Variants in OXR1 observed in about 807,000 individuals in gnomAD.
OXR1 encodes the protein oxidation resistance 1.
In OXR1, 41 loss-of-function variants were observed where a neutral mutation model predicts 104.6. That is an observed-to-expected ratio of 0.39 (90% CI 0.31 to 0.51). The LOEUF is 0.51. Among genes scored for constraint, OXR1 ranks in the 20% least tolerant of loss-of-function variants. The probability of loss-of-function intolerance (pLI) is 0.77; values close to 1 mark genes in which losing one functional copy is unlikely to be tolerated. For synonymous variants in OXR1, 348 were observed against 348.4 expected, an observed-to-expected ratio of 1.00 and a Z score of 0.01; for missense variants, 955 against 1,031.9, an observed-to-expected ratio of 0.93 and a Z score of 1.02.
intron 2 of OXR1, among the ~76,000 whole-genome samples, chr8:106,425,375 A>T (rs543879263): frequency 6.6e-6 from 1 of 152,138 alleles, no homozygotes; most frequent in African/African-American, 2.4e-5. Context: ...TAAAACTAAA[A>T]ATTAAACAGA....
At chr8:106,343,192 A>C (rs945126540) in intron 1 of OXR1, among the ~76,000 whole-genome samples, 3 of 152,156 alleles carry the variant, frequency 2.0e-5, no homozygotes, top group African/African-American at 7.2e-5. Context: ...ATTCTTCCCA[A>C]TGCCACTGGA....
chr8:106,706,774 A>C lies in OXR1; in HGVS notation c.1253A>C (p.Glu418Ala). The C allele has an allele frequency of 1.2e-6, 2 of 1,612,816 alleles. No individual in the cohort carries two copies. The highest frequency in any genetic ancestry group is 1.7e-6 in the Non-Finnish European group (2 of 1,179,742). Residue 418 changes from glutamate to alanine, a missense_variant, in exon 9 of 17, where the codon GAA (glutamate) becomes GCA (alanine). This residue lies in a region of OXR1 where 849 missense variants were observed against 852.9 expected (regional missense o/e 1.00). Transcript: ENST00000517566. ...LCHKTDLNNL[E>A]MAIKEDQIAD... Reference sequence around the variant, plus strand: ...CATAAAACTGATTTAAATAATCTTGAAATGGCCATTAAGGAAGATCAGATT... The same window carrying C: ...CATAAAACTGATTTAAATAATCTTGCAATGGCCATTAAGGAAGATCAGATT...
intron 7 of OXR1, 149 bp downstream of exon 7, chr8:106,693,026 G>A: frequency 2.0e-6 from 1 of 492,298 alleles, no homozygotes; most frequent in Non-Finnish European, 3.5e-6. Flanking sequence ...TTTTGGGTTA[G>A]TATGGATGTT....
chr8:106,295,967 C>G (rs1812978715), intron 1 of OXR1, among the ~76,000 whole-genome samples: 1 of 150,558 alleles, frequency 6.6e-6, no homozygotes, highest in African/African-American at 2.4e-5. Context: ...GGAAAGTCTT[C>G]TAACCTGACA....
chr8:106,421,097 A>C (rs185385182), intron 2 of OXR1, among the ~76,000 whole-genome samples: 76 of 152,254 alleles, frequency 5.0e-4, no homozygotes, highest in Non-Finnish European at 9.1e-4. Flanking sequence ...CATAGTTCCA[A>C]AATAGAATTA....
chr8:106,465,619 A>G (rs940455961), intron 2 of OXR1, among the ~76,000 whole-genome samples: 5 of 151,964 alleles, frequency 3.3e-5, no homozygotes, highest in African/African-American at 1.2e-4. Context: ...TAAATTTTGA[A>G]AGTATACCCT....
At chr8:106,433,081 C>T (rs534338077) in intron 2 of OXR1, among the ~76,000 whole-genome samples, 1 of 152,206 alleles carries the variant, frequency 6.6e-6, no homozygotes, top group South Asian at 2.1e-4. Flanking sequence ...GCTGGCTGTG[C>T]GCGAGACCGG....
intron 6 of OXR1, among the ~76,000 whole-genome samples, chr8:106,689,606 T>G (rs1404860153): frequency 6.6e-6 from 1 of 151,970 alleles, no homozygotes; most frequent in African/African-American, 2.4e-5. Context: ...AAGGGGAAAT[T>G]TAGAAAACTT....
At chr8:106,436,948 G>C (rs1339563510) in intron 2 of OXR1, among the ~76,000 whole-genome samples, 2 of 152,104 alleles carry the variant, frequency 1.3e-5, no homozygotes, top group Non-Finnish European at 2.9e-5. Context: ...GTGGTACATT[G>C]TACCTTCCCC....
intron 7 of OXR1, among the ~76,000 whole-genome samples, chr8:106,702,173 T>C (rs1170193742): frequency 6.6e-6 from 1 of 152,192 alleles, no homozygotes; most frequent in Non-Finnish European, 1.5e-5. Context: ...TTCACCATGT[T>C]GGCCAGGAAC....
At position 106,498,364 on chromosome 8, in the gene OXR1, C is replaced by T. The variant is rs944213687; in HGVS notation, c.24-20579C>T. Among the ~76,000 whole-genome samples, 20 of 152,118 alleles carry T rather than the reference C, an allele frequency of 1.3e-4. 2 individuals carry two copies. Among genetic ancestry groups the T allele is most frequent in the Admixed American group, 5.9e-4 (9 of 15,282 alleles). ...TTGCTTTGCAAATAAATCAATCAAG[C>T]GTGTGACTCAGATACAATAAAAATA... is the stretch of plus-strand genomic sequence containing the variant. On this transcript the variant is annotated intron_variant, in intron 2 of 16. Coordinates refer to ENST00000517566, the MANE Select transcript of OXR1 (RefSeq NM_001198533.2).
At chr8:106,729,591 AAGACATT>A (rs1037169606) in intron 11 of OXR1, among the ~76,000 whole-genome samples, 2 of 152,144 alleles carry the variant, frequency 1.3e-5, no homozygotes, top group African/African-American at 4.8e-5. Flanking sequence ...AGATAGTCAT[AAGACATT>A]TATTAACCAG....
chr8:106,698,747 T>A (rs1338148616), intron 7 of OXR1, among the ~76,000 whole-genome samples: 2 of 152,198 alleles, frequency 1.3e-5, no homozygotes, highest in Non-Finnish European at 2.9e-5. Context: ...ATTTTCCATA[T>A]CCATACTGTG....
Position 106,684,703 on chromosome 8 carries a change from T to G in OXR1, c.525+344T>G, listed in dbSNP as rs74671851. Among the ~76,000 whole-genome samples the G allele has an allele frequency of 6.1e-4, 93 of 152,292 alleles. 1 individual carries two copies. The East Asian group carries it at 0.017, about 28-fold the overall frequency. On this transcript the variant is annotated intron_variant, in intron 6 of 16. Coordinates refer to ENST00000517566, the MANE Select transcript of OXR1 (RefSeq NM_001198533.2). The stretch of plus-strand genomic sequence containing the variant: ...CATGTCCAATTTGATGTTTATTTCA[T>G]CTATAAATAAATGAGTATATAGTAC...
intron 3 of OXR1, among the ~76,000 whole-genome samples, chr8:106,627,640 C>T (rs1237479808): frequency 6.6e-6 from 1 of 152,152 alleles, no homozygotes. Flanking sequence ...TCTACTTCTT[C>T]CCCGCAGCCA....
chr8:106,701,311 A>G (rs1267291649), intron 7 of OXR1, among the ~76,000 whole-genome samples: 3 of 152,178 alleles, frequency 2.0e-5, no homozygotes, highest in Non-Finnish European at 4.4e-5. Flanking sequence ...ACTGTATGTG[A>G]TCTTGAACAT....
rs1039348693 is a variant in OXR1, at chr8:106,752,112, A to AGC, written c.*1172_*1173dup. 10 of 152,576 alleles carry AGC rather than the reference A, an allele frequency of 6.6e-5. No homozygotes were observed. Among genetic ancestry groups the AGC allele is most frequent in the African/African-American group, 2.2e-4 (9 of 41,464 alleles). The allele number at this position is 152,576 out of a possible 1,614,324, so 9.5% of individuals were successfully genotyped here. On this transcript the variant is annotated 3_prime_UTR_variant, in exon 17 of 17. Coordinates refer to ENST00000517566, the MANE Select transcript of OXR1 (RefSeq NM_001198533.2). ...GCAATAATTCATCAGTTGATTTTAA[A>AGC]GCTTCATGTTATGCAAAAAAGAATC...
At chr8:106,369,464 C>G (rs1043314302) in intron 2 of OXR1, among the ~76,000 whole-genome samples, 10 of 152,086 alleles carry the variant, frequency 6.6e-5, no homozygotes, top group African/African-American at 2.2e-4. Context: ...AGTCATGAAG[C>G]CTTTGCCTGT....
intron 3 of OXR1, among the ~76,000 whole-genome samples, chr8:106,665,183 C>T (rs1826149265): frequency 6.6e-6 from 1 of 152,116 alleles, no homozygotes; most frequent in Non-Finnish European, 1.5e-5. Context: ...GGACACCATT[C>T]CACCTCAGGG....
Sources: allele counts gnomAD v4.1 joint callset (sites outside exome capture counted in the v4.1 genomes callset), GRCh38; gene constraint gnomAD v4.1.1; regional missense constraint gnomAD v4.1.1; transcripts MANE v1.5; gene names NCBI Gene and HGNC (gene_info 2026-07-23, HGNC 2026-07-21).